The following FMN1 variants were observed in gnomAD, a reference collection of about 807,000 sequenced individuals.
FMN1 encodes formin-1.
FMN1 carries 110 observed loss-of-function variants against 132.4 expected under a neutral mutation model. The observed-to-expected ratio is 0.83, with a 90% CI of 0.71 to 0.97. FMN1 has a LOEUF of 0.97. FMN1 is among the 50% of genes least tolerant of loss of function. The pLI is 0.00. For synonymous variants in FMN1, 722 were observed against 651.7 expected (o/e 1.11, Z -1.64); for missense variants, 1,792 against 1,705.3 (o/e 1.05, Z -0.90).
At chr15:33,076,129 T>G (rs891269513) in intron 5 of FMN1, among the ~76,000 whole-genome samples, 1 of 152,092 alleles carries the variant, frequency 6.6e-6, no homozygotes, top group Non-Finnish European at 1.5e-5. Context: ...TGAGGGTTGG[T>G]GGGTAGCAGT....
At chr15:33,040,270 A>G (rs2141114235) in intron 6 of FMN1, among the ~76,000 whole-genome samples, 1 of 152,336 alleles carries the variant, frequency 6.6e-6, no homozygotes, top group South Asian at 2.1e-4. Context: ...AGGACTGATG[A>G]CAGTCTCCTT....
At chr15:32,952,876 C>A (rs1459770772) in intron 9 of FMN1, among the ~76,000 whole-genome samples, 2 of 152,200 alleles carry the variant, frequency 1.3e-5, no homozygotes, top group African/African-American at 4.8e-5. Context: ...AGGGAGGGAT[C>A]AAAATGCCCA....
At chr15:32,786,856 C>A (rs1462244594) in intron 19 of FMN1, among the ~76,000 whole-genome samples, 1 of 152,194 alleles carries the variant, frequency 6.6e-6, no homozygotes, top group Non-Finnish European at 1.5e-5. Flanking sequence ...AAGGCTCTGT[C>A]CACTCTATAT....
intron 6 of FMN1, among the ~76,000 whole-genome samples, chr15:33,018,837 G>C (rs182468928): frequency 2.6e-5 from 4 of 152,258 alleles, no homozygotes; most frequent in South Asian, 2.1e-4. Flanking sequence ...CTTCGCGGTT[G>C]AGTGTTACAG....
chr15:33,099,321 G>A (rs1363288325), intron 4 of FMN1, among the ~76,000 whole-genome samples: 1 of 152,134 alleles, frequency 6.6e-6, no homozygotes, highest in Non-Finnish European at 1.5e-5. Flanking sequence ...AAACTCTTTC[G>A]AGTGTACTGT....
chr15:33,039,694 G>C (rs1596529731), intron 6 of FMN1, among the ~76,000 whole-genome samples: 2 of 152,244 alleles, frequency 1.3e-5, no homozygotes, highest in African/African-American at 4.8e-5. Flanking sequence ...GGCTTAGCAA[G>C]AAAAGAGGTA....
intron 4 of FMN1, among the ~76,000 whole-genome samples, chr15:33,117,979 G>A (rs548390923): frequency 1.3e-5 from 2 of 152,014 alleles, no homozygotes; most frequent in Non-Finnish European, 1.5e-5. Flanking sequence ...AAAGAAAATT[G>A]TTGTTAATTT....
chr15:32,943,326 T>C lies in FMN1; in HGVS notation c.3139-17065A>G, dbSNP rs529993907. Among the ~76,000 whole-genome samples, 4 of 152,300 alleles carry C rather than the reference T, an allele frequency of 2.6e-5. 1 individual carries two copies. The highest frequency in any genetic ancestry group is 1.3e-4 in the Admixed American group (2 of 15,294). ...ACAATCTGATTCTCCCAAGTACAAT[T>C]CTAAAAAATACAACTTCTATTTTTG... On this transcript the variant is annotated intron_variant, in intron 9 of 20. Coordinates refer to ENST00000616417, the MANE Select transcript of FMN1 (RefSeq NM_001277313.2).
At chr15:33,146,143 G>A (rs1258600551) in intron 4 of FMN1, among the ~76,000 whole-genome samples, 1 of 151,942 alleles carries the variant, frequency 6.6e-6, no homozygotes, top group Non-Finnish European at 1.5e-5. Context: ...ACAAAAATCT[G>A]AATCTCAGCG....
At chr15:33,001,356 T>G (rs903969719) in intron 7 of FMN1, among the ~76,000 whole-genome samples, 1 of 152,224 alleles carries the variant, frequency 6.6e-6, no homozygotes, top group Non-Finnish European at 1.5e-5. Flanking sequence ...ATTTATTGAT[T>G]ATTTAAATGA....
chr15:32,823,155 T>G (rs1184980593), intron 17 of FMN1, among the ~76,000 whole-genome samples: 2 of 36,452 alleles, frequency 5.5e-5, no homozygotes, highest in Non-Finnish European at 1.5e-4. Flanking sequence ...TTCTACTGTT[T>G]TTTTTTTTTT....
intron 4 of FMN1, among the ~76,000 whole-genome samples, chr15:33,094,894 T>G (rs345803): frequency 0.13 from 19,795 of 152,076 alleles, 1,491 homozygotes; most frequent in African/African-American, 0.21. Flanking sequence ...CCTAGGTAAG[T>G]CCTGATGCAG....
chr15:32,896,040 CTTCTG>C (rs2060146818), intron 15 of FMN1, among the ~76,000 whole-genome samples: 1 of 151,952 alleles, frequency 6.6e-6, no homozygotes, highest in Non-Finnish European at 1.5e-5. Flanking sequence ...ACATTTATCT[CTTCTG>C]TTCTTTAAAA....
At position 33,118,393 on chromosome 15, in the gene FMN1, G is replaced by A. The variant is rs115728191; in HGVS notation, c.1868-29419C>T. Reference sequence around the variant, plus strand: ...ACTAAGAAGTCCATCTAAATGATTAGAACAAACCAGAAAAATGGAGATCAT... The same window carrying A: ...ACTAAGAAGTCCATCTAAATGATTAAAACAAACCAGAAAAATGGAGATCAT... On this transcript the variant is annotated intron_variant, in intron 4 of 20. Transcript: ENST00000616417. Among the ~76,000 whole-genome samples, 335 of 152,206 alleles carry A rather than the reference G, an allele frequency of 2.2e-3. 1 individual carries two copies. Among genetic ancestry groups the A allele is most frequent in the African/African-American group, 7.8e-3 (324 of 41,544 alleles).
intron 7 of FMN1, among the ~76,000 whole-genome samples, chr15:32,987,440 A>C (rs2033138569): frequency 6.6e-6 from 1 of 152,150 alleles, no homozygotes; most frequent in Non-Finnish European, 1.5e-5. Context: ...ATCACTAGGA[A>C]TTTCAACGTT....
In FMN1 at chr15:32,901,804, C is replaced by A. The variant is rs2060303093; in HGVS notation, c.3507+107G>T. 15 of 826,326 alleles carry A rather than the reference C, an allele frequency of 1.8e-5. No homozygotes were observed. In the East Asian group the frequency reaches 4.3e-4, roughly 24 times the overall value. The allele number at this position is 826,326 out of a possible 1,614,324, so 51.2% of individuals were successfully genotyped here. A position where few individuals can be genotyped will look rare whatever the true frequency, so the allele number is the denominator to read the frequency against. On this transcript the variant is annotated intron_variant, in intron 13 of 20. Coordinates refer to ENST00000616417, the MANE Select transcript of FMN1 (RefSeq NM_001277313.2). ...TCAAATTTACACTTAGAAAAACATA[C>A]AATCTGAGTCCAAAAAGGTTTCTAT...
chr15:32,980,508 A>C (rs971800305), intron 7 of FMN1, among the ~76,000 whole-genome samples: 1 of 152,190 alleles, frequency 6.6e-6, no homozygotes, highest in African/African-American at 2.4e-5. Flanking sequence ...TTAATCTTAA[A>C]TATTGTGATT....
chr15:33,110,559 A>G (rs2039662570), intron 4 of FMN1, among the ~76,000 whole-genome samples: 2 of 152,004 alleles, frequency 1.3e-5, no homozygotes, highest in East Asian at 1.9e-4. Context: ...CAAGGAGAGC[A>G]TTTTTTGAGA....
At position 32,969,426 on chromosome 15, in the gene FMN1, T is replaced by C; in HGVS notation, c.2275A>G (p.Thr759Ala). Residue 759 changes from threonine to alanine, a missense_variant, in exon 8 of 21, where the codon ACA becomes GCA. Physicochemically the swap from Thr to Ala is moderately conservative, Grantham distance 58. Around this residue, in one of 3 missense-constraint regions of FMN1, gnomAD observed 1,150 missense variants for 1,043.1 expected, o/e 1.10. Transcript: ENST00000616417. ...TCAATGGTTTCTTCTAGTCTCGCTGTTATCATTGCATGCTCGCCCCGGATA... is the reference window on the plus strand; with the variant it reads ...TCAATGGTTTCTTCTAGTCTCGCTGCTATCATTGCATGCTCGCCCCGGATA... ...FHIRGEHAMI[T>A]ARLEETIENL... The C allele has an allele frequency of 6.2e-7, 1 of 1,614,036 alleles. No homozygotes were observed. Among genetic ancestry groups the C allele is most frequent in the Non-Finnish European group, 8.5e-7 (1 of 1,179,892 alleles).
Sources: allele counts gnomAD v4.1 joint callset (sites outside exome capture counted in the v4.1 genomes callset), GRCh38; gene constraint gnomAD v4.1.1; regional missense constraint gnomAD v4.1.1; transcripts MANE v1.5; gene names NCBI Gene and HGNC (gene_info 2026-07-23, HGNC 2026-07-21).